The following SLC24A2 variants were observed in gnomAD, a reference collection of about 807,000 sequenced individuals.
SLC24A2 encodes the protein sodium/potassium/calcium exchanger 2.
SLC24A2 carries 36 observed loss-of-function variants against 62.0 expected under a neutral mutation model. The observed-to-expected ratio is 0.58, with a 90% CI of 0.44 to 0.77. The LOEUF is 0.77. Ranked by LOEUF, SLC24A2 falls within the 30% of genes least tolerant of loss-of-function variation. The pLI is 0.00. For synonymous variants in SLC24A2, 358 were observed against 294.0 expected (o/e 1.22, Z -2.23); for missense variants, 846 against 817.9 (o/e 1.03, Z -0.42).
the SLC24A2 span, among the ~76,000 whole-genome samples, chr9:20,246,733 G>A: frequency 6.6e-6 from 1 of 152,178 alleles, no homozygotes; most frequent in African/African-American, 2.4e-5. Flanking sequence ...TGTGGGCCTT[G>A]GAATCCTTCA....
chr9:20,247,286 C>A, the SLC24A2 span, among the ~76,000 whole-genome samples: 3 of 152,296 alleles, frequency 2.0e-5, no homozygotes, highest in South Asian at 6.2e-4. Flanking sequence ...ATCATCCTTA[C>A]GTAAGCATCA....
the SLC24A2 span, among the ~76,000 whole-genome samples, chr9:19,918,475 T>C: frequency 1.3e-5 from 2 of 151,824 alleles, no homozygotes; most frequent in East Asian, 3.9e-4. Context: ...TCCGTGCAGG[T>C]TCCCCCTCTT....
At chr9:19,932,875 C>T in the SLC24A2 span, among the ~76,000 whole-genome samples, 1 of 152,220 alleles carries the variant, frequency 6.6e-6, no homozygotes, top group Admixed American at 6.5e-5. Flanking sequence ...CTACTCTGTC[C>T]ATAATACTCT....
At chr9:19,952,132 A>T in the SLC24A2 span, among the ~76,000 whole-genome samples, 1 of 152,154 alleles carries the variant, frequency 6.6e-6, no homozygotes, top group Non-Finnish European at 1.5e-5. Context: ...TTATTTATTG[A>T]TGGTATATAG....
chr9:19,906,115 A>G, the SLC24A2 span, among the ~76,000 whole-genome samples: 2 of 152,254 alleles, frequency 1.3e-5, no homozygotes, highest in African/African-American at 4.8e-5. Context: ...AACTGAAATT[A>G]TAACAAACTG....
the SLC24A2 span, among the ~76,000 whole-genome samples, chr9:20,292,222 C>T: frequency 1.3e-5 from 2 of 152,064 alleles, no homozygotes; most frequent in African/African-American, 4.8e-5. Flanking sequence ...TTGGTGTCTT[C>T]CTGGGGAATG....
At chr9:20,094,430 G>A in the SLC24A2 span, among the ~76,000 whole-genome samples, 6 of 152,252 alleles carry the variant, frequency 3.9e-5, 1 homozygote, top group East Asian at 5.8e-4. Flanking sequence ...TGTGGTCAAC[G>A]ATAAAATTTA....
chr9:20,217,876 G>C, the SLC24A2 span, among the ~76,000 whole-genome samples: 19 of 152,144 alleles, frequency 1.2e-4, no homozygotes, highest in Admixed American at 1.2e-3. Context: ...ATCTTCACTG[G>C]AGCTTTCAAC....
At chr9:20,096,365 T>A in the SLC24A2 span, among the ~76,000 whole-genome samples, 1 of 152,176 alleles carries the variant, frequency 6.6e-6, no homozygotes, top group East Asian at 1.9e-4. Flanking sequence ...TATCACTGAT[T>A]ATTGATTTAG....
At chr9:20,151,526 C>T in the SLC24A2 span, among the ~76,000 whole-genome samples, 3 of 151,800 alleles carry the variant, frequency 2.0e-5, no homozygotes, top group Non-Finnish European at 2.9e-5. Context: ...TTGCTAGATC[C>T]TCTGCATTCA....
chr9:20,117,865 A>G, the SLC24A2 span, among the ~76,000 whole-genome samples: 1 of 152,150 alleles, frequency 6.6e-6, no homozygotes, highest in African/African-American at 2.4e-5. Context: ...ATACTATTAC[A>G]CTAATTTTAC....
intron 2 of SLC24A2, among the ~76,000 whole-genome samples, chr9:19,672,112 T>C (rs1819438794): frequency 6.8e-6 from 1 of 146,798 alleles, no homozygotes; most frequent in Non-Finnish European, 1.5e-5. Context: ...TCTTGTGGAA[T>C]AGTGTCAATA....
chr9:20,097,041 C>T, the SLC24A2 span, among the ~76,000 whole-genome samples: 1 of 152,226 alleles, frequency 6.6e-6, no homozygotes, highest in South Asian at 2.1e-4. Flanking sequence ...TTTTCATCCA[C>T]TGTAAATCAA....
chr9:19,522,430 T>A (rs1366774495), intron 9 of SLC24A2, among the ~76,000 whole-genome samples: 1 of 152,158 alleles, frequency 6.6e-6, no homozygotes, highest in African/African-American at 2.4e-5. Flanking sequence ...TTGAAAAAAT[T>A]TAAAGGGCCA....
At chr9:19,818,753 G>T in the SLC24A2 span, among the ~76,000 whole-genome samples, 2 of 152,082 alleles carry the variant, frequency 1.3e-5, no homozygotes, top group Non-Finnish European at 2.9e-5. Context: ...AATCAACATT[G>T]TGAAAATGAC....
chr9:19,565,113 G>T (rs1285578480), intron 7 of SLC24A2, among the ~76,000 whole-genome samples: 1 of 151,864 alleles, frequency 6.6e-6, no homozygotes, highest in Non-Finnish European at 1.5e-5. Flanking sequence ...TTCTGGCCAG[G>T]GCAATCACGC....
At chr9:20,224,890 C>T in the SLC24A2 span, among the ~76,000 whole-genome samples, 2 of 152,048 alleles carry the variant, frequency 1.3e-5, no homozygotes, top group Admixed American at 1.3e-4. Flanking sequence ...CTGATGGGAG[C>T]TACTTCAACT....
intron 2 of SLC24A2, among the ~76,000 whole-genome samples, chr9:19,669,861 A>G (rs149616521): frequency 1.5e-4 from 23 of 152,312 alleles, no homozygotes; most frequent in African/African-American, 4.8e-4. Context: ...TTGCTATGTA[A>G]CATAAAATAT....
chr9:20,044,862 T>C, the SLC24A2 span, among the ~76,000 whole-genome samples: 1 of 152,102 alleles, frequency 6.6e-6, no homozygotes, highest in Non-Finnish European at 1.5e-5. Flanking sequence ...CCACTCATAC[T>C]TGGTTGTTTT....
Sources: gnomAD v4.1 joint callset for allele counts (sites outside exome capture counted in the v4.1 genomes callset) on GRCh38, gnomAD v4.1.1 for gene constraint, MANE v1.5 for transcripts, NCBI Gene and HGNC (gene_info 2026-07-23, HGNC 2026-07-21) for gene names.